Variants in C1orf94 observed in about 807,000 individuals in gnomAD.
C1orf94 encodes chromosome 1 open reading frame 94.
Under a neutral mutation model 53.6 loss-of-function variants are expected in C1orf94, and 45 were observed. That is an observed-to-expected ratio of 0.84 (90% confidence interval 0.66 to 1.08). C1orf94 has a LOEUF of 1.08. Ranked by LOEUF, C1orf94 falls within the 50% of genes least tolerant of loss-of-function variation. The pLI is 0.00. For missense variants in C1orf94, 762 were observed against 738.9 expected (o/e 1.03, Z -0.36); for synonymous variants, 304 against 296.1 (o/e 1.03, Z -0.27).
chr1:34,175,334 G>A (rs752092761), upstream of C1orf94, among the ~76,000 whole-genome samples: 10 of 152,004 alleles, frequency 6.6e-5, no homozygotes, highest in Non-Finnish European at 1.2e-4. Context: ...GGTCGTTGGC[G>A]TTCTGCTCTA....
intron 5 of C1orf94, 93 bp downstream of exon 5, chr1:34,208,327 AC>A: frequency 8.0e-7 from 1 of 1,257,400 alleles, no homozygotes; most frequent in Non-Finnish European, 1.1e-6. Context: ...CCAGCTGGTG[AC>A]CAGACACCTG....
chr1:34,178,998 C>T (rs573292238), intron 1 of C1orf94, among the ~76,000 whole-genome samples: 13 of 152,252 alleles, frequency 8.5e-5, no homozygotes, highest in East Asian at 5.8e-4. Context: ...AAAGACTAAC[C>T]GATAATTAAG....
At chr1:34,215,716 G>A (rs1642976108) in intron 6 of C1orf94, among the ~76,000 whole-genome samples, 1 of 152,186 alleles carries the variant, frequency 6.6e-6, no homozygotes, top group East Asian at 1.9e-4. Flanking sequence ...AAAACACTAA[G>A]GTCATTGGGC....
chr1:34,170,963 C>A (rs75844294), intron 1 of C1orf94, among the ~76,000 whole-genome samples: 3 of 152,294 alleles, frequency 2.0e-5, no homozygotes, highest in Non-Finnish European at 2.9e-5. Context: ...TTACTTACAA[C>A]AACTGAGTAA....
At position 34,177,482 on chromosome 1, in the gene C1orf94, A is replaced by G. The variant is rs988397008; in HGVS notation, c.-308A>G. 3.9e-4 allele frequency among the ~76,000 whole-genome samples: 59 copies of G among 152,224 alleles called. No individual in the cohort carries two copies. The highest frequency in any genetic ancestry group is 2.9e-4 in the Non-Finnish European group (20 of 67,992). ...CAGCCCTCCCCTTCCAGCTGTTCCC[A>G]GATGTCATTCTGCCCGCCCAGGCGC... On this transcript the variant is annotated 5_prime_UTR_variant, in exon 1 of 7. Coordinates refer to ENST00000488417, the MANE Select transcript of C1orf94 (RefSeq NM_001134734.2).
In C1orf94 at chr1:34,184,302, A is replaced by T. The variant is rs185896441; in HGVS notation, c.320+6193A>T. Among the ~76,000 whole-genome samples, 15 of 152,308 alleles carry T rather than the reference A, an allele frequency of 9.8e-5. No homozygotes were observed. The East Asian group carries it at 2.9e-3, about 29-fold the overall frequency. ...AGCCCAGCAGCAGGCGCAGGGAAAG[A>T]TGAGAAGTTACATGGGAGTGAAGTG... On this transcript the variant is annotated intron_variant, in intron 1 of 6. Transcript: ENST00000488417.
chr1:34,185,489 C>G (rs1642371929), intron 1 of C1orf94, among the ~76,000 whole-genome samples: 1 of 152,224 alleles, frequency 6.6e-6, no homozygotes, highest in Admixed American at 6.5e-5. Flanking sequence ...CTTTCCCTCT[C>G]TTGAGCTTCC....
Position 34,218,991 on chromosome 1 carries a change from T to G in C1orf94, c.*230T>G. ...CACACACACATGACCCTCATATTCATACTTGCTTGCTCAACCACTTATGCA... is the reference window on the plus strand; with the variant it reads ...CACACACACATGACCCTCATATTCAGACTTGCTTGCTCAACCACTTATGCA... On this transcript the variant is annotated 3_prime_UTR_variant, in exon 7 of 7. Transcript: ENST00000488417. The G allele has an allele frequency of 2.9e-6, 1 of 349,016 alleles. No homozygotes were observed. Among genetic ancestry groups the G allele is most frequent in the East Asian group, 4.3e-5 (1 of 23,206 alleles). 21.6% of individuals were successfully genotyped at this position (349,016 alleles called of 1,614,324 possible).
At chr1:34,202,605 G>T (rs1196639153) in intron 4 of C1orf94, among the ~76,000 whole-genome samples, 1 of 152,174 alleles carries the variant, frequency 6.6e-6, no homozygotes, top group Non-Finnish European at 1.5e-5. Context: ...GTTGTGGCTG[G>T]TTAAGTGCTT....
At chr1:34,181,510 A>G (rs1450821137) in intron 1 of C1orf94, among the ~76,000 whole-genome samples, 1 of 152,252 alleles carries the variant, frequency 6.6e-6, no homozygotes, top group Non-Finnish European at 1.5e-5. Flanking sequence ...CATTCAACAG[A>G]TATTTATTAA....
intron 2 of C1orf94, among the ~76,000 whole-genome samples, chr1:34,199,313 A>G (rs1642655571): frequency 6.6e-6 from 1 of 152,152 alleles, no homozygotes; most frequent in Non-Finnish European, 1.5e-5. Flanking sequence ...CTCTGGGGAA[A>G]GGGCTATTAT....
upstream of C1orf94, among the ~76,000 whole-genome samples, chr1:34,174,323 G>T (rs1277543153): frequency 6.6e-6 from 1 of 152,214 alleles, no homozygotes; most frequent in Non-Finnish European, 1.5e-5. Context: ...TTGTTCAAGG[G>T]ACTTTCCATG....
chr1:34,211,190 C>T lies in C1orf94; in HGVS notation c.1525-1020C>T, dbSNP rs149701761. Among the ~76,000 whole-genome samples, 771 of 152,208 alleles carry T rather than the reference C, an allele frequency of 5.1e-3. 5 individuals carry two copies. Among genetic ancestry groups the T allele is most frequent in the South Asian group, 0.028 (133 of 4,820 alleles). ...GTGGAATGTAGTGCTCATTAGGTAA[C>T]GAGCCCCCCATCATTTAGGTATTCA... On this transcript the variant is annotated intron_variant, in intron 5 of 6. Coordinates refer to ENST00000488417, the MANE Select transcript of C1orf94 (RefSeq NM_001134734.2).
At chr1:34,181,755 T>G (rs1054150164) in intron 1 of C1orf94, among the ~76,000 whole-genome samples, 1 of 152,168 alleles carries the variant, frequency 6.6e-6, no homozygotes, top group South Asian at 2.1e-4. Flanking sequence ...ATAATGGAAA[T>G]AGAGCAGAGG....
At chr1:34,186,158 G>T (rs750967919) in intron 1 of C1orf94, among the ~76,000 whole-genome samples, 3 of 152,044 alleles carry the variant, frequency 2.0e-5, no homozygotes, top group Non-Finnish European at 2.9e-5. Context: ...TTTTAAGGTG[G>T]CCCAGATAAC....
chr1:34,185,211 G>A (rs1018162729), intron 1 of C1orf94, among the ~76,000 whole-genome samples: 1 of 151,674 alleles, frequency 6.6e-6, no homozygotes, highest in Non-Finnish European at 1.5e-5. Flanking sequence ...ATGGAGTCTC[G>A]CTCTGTCACC....
At chr1:34,188,647 A>G (rs1329540342) in intron 1 of C1orf94, among the ~76,000 whole-genome samples, 1 of 152,108 alleles carries the variant, frequency 6.6e-6, no homozygotes, top group Admixed American at 6.5e-5. Context: ...AGCTGCTAAC[A>G]TTTGCATAGC....
Position 34,177,894 on chromosome 1 carries a change from C to A in C1orf94, c.105C>A (p.Ala35=). The change falls in exon 1 of 7, where the codon GCC becomes GCA. Residue 35 remains alanine, a synonymous_variant. Transcript: ENST00000488417. Reference sequence around the variant, plus strand: ...GGAATGGGCTTCCTTCATCCTCGGCCCTGGTGGCCAAGGGCCCCTGCGCCC... The same window carrying A: ...GGAATGGGCTTCCTTCATCCTCGGCACTGGTGGCCAAGGGCCCCTGCGCCC... ...ASGNGLPSSS[A]LVAKGPCALG... 6.4e-7 allele frequency: 1 copy of A among 1,551,668 alleles called. No homozygotes were observed. Among genetic ancestry groups the A allele is most frequent in the Non-Finnish European group, 8.7e-7 (1 of 1,146,952 alleles).
intron 6 of C1orf94, among the ~76,000 whole-genome samples, chr1:34,213,503 T>G (rs960469769): frequency 2.0e-5 from 3 of 152,156 alleles, no homozygotes; most frequent in Non-Finnish European, 4.4e-5. Context: ...ATAGTATTAT[T>G]TAAACATGAA....
Sources: allele counts gnomAD v4.1 joint callset (sites outside exome capture counted in the v4.1 genomes callset), GRCh38; gene constraint gnomAD v4.1.1; transcripts MANE v1.5; gene names NCBI Gene and HGNC (gene_info 2026-07-23, HGNC 2026-07-21).